CCDC7: variants seen among roughly 807,000 people sequenced by gnomAD.
CCDC7 encodes coiled-coil domain containing 7.
In CCDC7, 183 loss-of-function variants were observed where a neutral mutation model predicts 196.9. The observed-to-expected ratio is 0.93, with a 90% CI of 0.82 to 1.05. CCDC7 has a LOEUF of 1.05. Ranked by LOEUF, CCDC7 falls within the 50% of genes least tolerant of loss-of-function variation. The pLI is 0.00. For synonymous variants in CCDC7, 525 were observed against 484.6 expected, an observed-to-expected ratio of 1.08 and a Z score of -1.10; for missense variants, 1,540 against 1,482.2, an observed-to-expected ratio of 1.04 and a Z score of -0.64.
chr10:32,735,791 A>G (rs1251120505), intron 28 of CCDC7, among the ~76,000 whole-genome samples: 2 of 152,084 alleles, frequency 1.3e-5, no homozygotes, highest in African/African-American at 4.8e-5. Flanking sequence ...TAGGAATTTT[A>G]TAGTTTTTGC....
chr10:32,817,136 C>T (rs2088851467), intron 31 of CCDC7, among the ~76,000 whole-genome samples: 1 of 151,968 alleles, frequency 6.6e-6, no homozygotes, highest in Non-Finnish European at 1.5e-5. Flanking sequence ...GCAGAGAAGT[C>T]CTTAAAGGAC....
intron 18 of CCDC7, among the ~76,000 whole-genome samples, chr10:32,611,775 C>T (rs2062168591): frequency 6.6e-6 from 1 of 152,140 alleles, no homozygotes; most frequent in Non-Finnish European, 1.5e-5. Flanking sequence ...CACCATTGAT[C>T]TATACATCTG....
intron 28 of CCDC7, among the ~76,000 whole-genome samples, chr10:32,736,368 T>A (rs1406598658): frequency 6.6e-6 from 1 of 152,188 alleles, no homozygotes; most frequent in African/African-American, 2.4e-5. Flanking sequence ...GTTTTCCTTT[T>A]TTTGTGGTTA....
chr10:32,530,318 G>A (rs892960238), intron 11 of CCDC7, among the ~76,000 whole-genome samples: 1 of 152,040 alleles, frequency 6.6e-6, no homozygotes, highest in African/African-American at 2.4e-5. Flanking sequence ...AATGATGTTA[G>A]TATTTTTATG....
intron 5 of CCDC7, among the ~76,000 whole-genome samples, chr10:32,464,440 A>G (rs2036335918): frequency 6.6e-6 from 1 of 152,088 alleles, no homozygotes; most frequent in African/African-American, 2.4e-5. Flanking sequence ...TATACATATG[A>G]CTAATTATTT....
In CCDC7 at chr10:32,807,509, C is replaced by T. The variant is rs140606875; in HGVS notation, c.3097+2411C>T. ...ATTGATAATCATATTTCAAATAGAT[C>T]GTCTAATCAGGAACACTAGAATTCA... is the stretch of plus-strand genomic sequence containing the variant. On this transcript the variant is annotated intron_variant, in intron 30 of 41. Transcript: ENST00000639629. 6.0e-3 allele frequency among the ~76,000 whole-genome samples: 910 copies of T among 151,996 alleles called. 9 individuals are homozygous for T. Among genetic ancestry groups the T allele is most frequent in the African/African-American group, 0.021 (865 of 41,436 alleles).
chr10:32,511,266 G>C lies in CCDC7; in HGVS notation c.873-6679G>C, dbSNP rs553162011. 13 of 555,616 alleles carry C rather than the reference G, an allele frequency of 2.3e-5. 2 individuals carry two copies. The highest frequency in any genetic ancestry group is 1.3e-4 in the African/African-American group (6 of 44,820). The allele number at this position is 555,616 out of a possible 1,614,324, so 34.4% of individuals were successfully genotyped here. A position where few individuals can be genotyped will look rare whatever the true frequency, so the allele number is the denominator to read the frequency against. ...CAGAATTATTCTGTGGGGGGCGGGG[G>C]GGGCGGGGAAATGTACTTTTTGAAT... is the stretch of plus-strand genomic sequence containing the variant. On this transcript the variant is annotated intron_variant, in intron 9 of 41. Coordinates refer to ENST00000639629, the Ensembl canonical transcript of CCDC7.
At chr10:32,722,327 C>G (rs1464758465) in intron 25 of CCDC7, among the ~76,000 whole-genome samples, 1 of 152,060 alleles carries the variant, frequency 6.6e-6, no homozygotes, top group African/African-American at 2.4e-5. Flanking sequence ...TTTTAGTGGT[C>G]CAGTGGGACC....
At chr10:32,648,571 TC>T (rs2068171642) in intron 20 of CCDC7, among the ~76,000 whole-genome samples, 2 of 152,256 alleles carry the variant, frequency 1.3e-5, no homozygotes, top group Admixed American at 1.3e-4. Flanking sequence ...TGCCTCTAGG[TC>T]TTTGAAGAAT....
chr10:32,866,035 G>A (rs1565755201), intron 41 of CCDC7, among the ~76,000 whole-genome samples: 2 of 151,818 alleles, frequency 1.3e-5, no homozygotes, highest in South Asian at 2.1e-4. Flanking sequence ...ATGACACATC[G>A]ATAGGAATGA....
intron 25 of CCDC7, among the ~76,000 whole-genome samples, chr10:32,722,706 C>T (rs2142175272): frequency 6.6e-6 from 1 of 152,088 alleles, no homozygotes; most frequent in African/African-American, 2.4e-5. Context: ...CTGTAAAGTT[C>T]CTATTTCCAA....
chr10:32,483,870 C>A (rs2040466296), intron 8 of CCDC7, among the ~76,000 whole-genome samples: 1 of 152,150 alleles, frequency 6.6e-6, no homozygotes, highest in African/African-American at 2.4e-5. Flanking sequence ...TGTTTTGATA[C>A]CAGTACCATG....
intron 41 of CCDC7, among the ~76,000 whole-genome samples, chr10:32,873,582 C>A (rs559789740): frequency 3.3e-5 from 5 of 152,000 alleles, no homozygotes; most frequent in African/African-American, 1.2e-4. Context: ...TTATTCTTTT[C>A]TTTTAATGGA....
At chr10:32,747,465 C>T (rs2074970575) in intron 28 of CCDC7, among the ~76,000 whole-genome samples, 2 of 152,092 alleles carry the variant, frequency 1.3e-5, no homozygotes, top group Non-Finnish European at 2.9e-5. Flanking sequence ...ACAAACTATG[C>T]ATCCAACAAA....
intron 8 of CCDC7, among the ~76,000 whole-genome samples, chr10:32,477,837 A>G (rs1488638654): frequency 6.6e-6 from 1 of 152,174 alleles, no homozygotes; most frequent in Non-Finnish European, 1.5e-5. Context: ...ATTAAACTTT[A>G]TAAACTTTAG....
At chr10:32,633,726 G>A (rs1175017157) in intron 18 of CCDC7, among the ~76,000 whole-genome samples, 1 of 140,792 alleles carries the variant, frequency 7.1e-6, no homozygotes, top group African/African-American at 2.7e-5. Flanking sequence ...GTGTGTGTGT[G>A]TGTGTATATA....
chr10:32,580,128 T>C (rs1389694171), intron 16 of CCDC7, among the ~76,000 whole-genome samples: 1 of 151,982 alleles, frequency 6.6e-6, no homozygotes, highest in African/African-American at 2.4e-5. Flanking sequence ...ACTGATGACT[T>C]TTTTTTTCTA....
intron 24 of CCDC7, among the ~76,000 whole-genome samples, chr10:32,699,102 G>T (rs765861437): frequency 6.6e-6 from 1 of 151,820 alleles, no homozygotes; most frequent in Non-Finnish European, 1.5e-5. Context: ...TGTGTACAAC[G>T]TGCAGGTTTG....
chr10:32,643,064 G>T (rs1276594721), intron 20 of CCDC7, among the ~76,000 whole-genome samples: 2 of 152,092 alleles, frequency 1.3e-5, no homozygotes, highest in Non-Finnish European at 2.9e-5. Context: ...TTTATTTTTT[G>T]ATTTCCTTTA....
Sources: gnomAD v4.1 joint callset for allele counts (sites outside exome capture counted in the v4.1 genomes callset) on GRCh38, gnomAD v4.1.1 for gene constraint, MANE v1.5 for transcripts, NCBI Gene and HGNC (gene_info 2026-07-23, HGNC 2026-07-21) for gene names.